The following MYO3B variants were observed in gnomAD, a reference collection of about 807,000 sequenced individuals.
MYO3B encodes the protein myosin IIIB.
In MYO3B, 156 loss-of-function variants were observed where a neutral mutation model predicts 174.6. The observed-to-expected ratio is 0.89, with a 90% CI of 0.78 to 1.02. MYO3B has a LOEUF of 1.02. Among genes scored for constraint, MYO3B ranks in the 50% least tolerant of loss-of-function variants. The pLI, the probability that MYO3B is intolerant of heterozygous loss-of-function variation, is 0.00. For missense variants in MYO3B, 1,632 were observed against 1,639.4 expected (o/e 1.00, Z 0.08); for synonymous variants, 563 against 569.1 (o/e 0.99, Z 0.15).
At chr2:170,448,927 G>T (rs758780662) in intron 23 of MYO3B, among the ~76,000 whole-genome samples, 20 of 152,090 alleles carry the variant, frequency 1.3e-4, no homozygotes, top group Admixed American at 1.3e-4. Context: ...ATAAAGTCCA[G>T]TAGGAATAAT....
chr2:170,470,929 A>G (rs1423955473), intron 25 of MYO3B, among the ~76,000 whole-genome samples: 1 of 150,324 alleles, frequency 6.7e-6, no homozygotes, highest in Non-Finnish European at 1.5e-5. Context: ...ATGTTTATGT[A>G]TTCCAAATAT....
At chr2:170,415,446 A>C (rs1341470254) in intron 22 of MYO3B, among the ~76,000 whole-genome samples, 1 of 152,150 alleles carries the variant, frequency 6.6e-6, no homozygotes, top group African/African-American at 2.4e-5. Flanking sequence ...CTTATGTATC[A>C]TGTTTATTGT....
At chr2:170,521,386 A>G (rs545029879) in intron 30 of MYO3B, among the ~76,000 whole-genome samples, 2 of 152,274 alleles carry the variant, frequency 1.3e-5, no homozygotes, top group Non-Finnish European at 2.9e-5. Flanking sequence ...CCCAGCTAAC[A>G]TTTTCCAACT....
intron 7 of MYO3B, among the ~76,000 whole-genome samples, chr2:170,266,291 A>G (rs1315457492): frequency 1.3e-5 from 2 of 152,206 alleles, no homozygotes. Context: ...TACCTTGCCC[A>G]TAAAACTAAA....
At chr2:170,193,265 A>T (rs2092561286) in intron 1 of MYO3B, among the ~76,000 whole-genome samples, 1 of 152,074 alleles carries the variant, frequency 6.6e-6, no homozygotes, top group Admixed American at 6.5e-5. Flanking sequence ...GGTGCCTAGT[A>T]ATTGCTCAAT....
chr2:170,322,564 G>A (rs747425949), intron 7 of MYO3B, among the ~76,000 whole-genome samples: 1 of 152,216 alleles, frequency 6.6e-6, no homozygotes, highest in African/African-American at 2.4e-5. Context: ...GAAAGAGGAC[G>A]AATGTTCGGT....
At chr2:170,598,283 C>T (rs374186755) in intron 32 of MYO3B, among the ~76,000 whole-genome samples, 4 of 152,230 alleles carry the variant, frequency 2.6e-5, no homozygotes, top group African/African-American at 9.6e-5. Flanking sequence ...CAAAGCAGCT[C>T]TGCCTGCTTC....
rs372170117 is a variant in MYO3B at position 170,587,510 on chromosome 2, G to A, written c.3733+43522G>A. Among the ~76,000 whole-genome samples the A allele has an allele frequency of 6.6e-5, 10 of 152,310 alleles. 1 individual carries two copies. Among genetic ancestry groups the A allele is most frequent in the African/African-American group, 2.2e-4 (9 of 41,582 alleles). On this transcript the variant is annotated intron_variant, in intron 32 of 34. Coordinates refer to ENST00000408978, the MANE Select transcript of MYO3B (RefSeq NM_138995.5). ...TGGTTATTGCTCACCAGTCAGGTAC[G>A]TCCTATTCCACCATAGCTATGATCT...
At chr2:170,513,536 A>G (rs1688110062) in intron 28 of MYO3B, among the ~76,000 whole-genome samples, 1 of 152,022 alleles carries the variant, frequency 6.6e-6, no homozygotes, top group Admixed American at 6.5e-5. Context: ...ATCCAGTATG[A>G]CCTCATTTTT....
chr2:170,382,533 T>C (rs1328939454), intron 10 of MYO3B: 1 of 170,786 alleles, frequency 5.9e-6, no homozygotes, highest in Admixed American at 5.5e-5. Context: ...ATAATCCCCA[T>C]TTAAAATATG....
intron 24 of MYO3B, among the ~76,000 whole-genome samples, chr2:170,464,974 C>G (rs1038001255): frequency 6.6e-6 from 1 of 151,948 alleles, no homozygotes; most frequent in African/African-American, 2.4e-5. Context: ...TCAAGCGATT[C>G]TCCTGCGTCA....
Position 170,463,371 on chromosome 2 carries a change from G to T in MYO3B, c.2734G>T (p.Asp912Tyr). The change falls in exon 24 of 35, where the codon GAC (aspartate) becomes TAC (tyrosine). Residue 912 changes from aspartate (D) to tyrosine (Y), a missense_variant. Physicochemically the swap from Asp to Tyr is radical, Grantham distance 160 (BLOSUM62 -3). Coordinates refer to ENST00000408978, the MANE Select transcript of MYO3B (RefSeq NM_138995.5). ...PHFSAGKAKV[D>Y]TLEVIRHPEE... ...TTGCCTCCACCTATGCTTCCAGGTG[G>T]ACACTCTGGAGGTGATACGGCATCC... 6.2e-7 allele frequency: 1 copy of T among 1,613,654 alleles called. No homozygotes were observed. Among genetic ancestry groups the T allele is most frequent in the Non-Finnish European group, 8.5e-7 (1 of 1,180,020 alleles).
At chr2:170,635,256 T>C (rs1273238980) in intron 32 of MYO3B, among the ~76,000 whole-genome samples, 1 of 152,186 alleles carries the variant, frequency 6.6e-6, no homozygotes, top group Non-Finnish European at 1.5e-5. Flanking sequence ...ATGTGGCACA[T>C]ATACACCATG....
chr2:170,625,932 T>C (rs1275321619), intron 32 of MYO3B, among the ~76,000 whole-genome samples: 1 of 152,208 alleles, frequency 6.6e-6, no homozygotes, highest in African/African-American at 2.4e-5. Context: ...TTTGTTATAA[T>C]TTCTGTTCTT....
intron 32 of MYO3B, among the ~76,000 whole-genome samples, chr2:170,648,802 CATATT>C (rs1182425364): frequency 7.9e-5 from 8 of 101,770 alleles, no homozygotes; most frequent in African/African-American, 2.7e-4. Context: ...CTATATAATA[CATATT>C]ATATATTATA....
At chr2:170,640,163 G>A (rs533072885) in intron 32 of MYO3B, among the ~76,000 whole-genome samples, 80 of 152,296 alleles carry the variant, frequency 5.3e-4, no homozygotes, top group African/African-American at 1.8e-3. Context: ...TTTTAAACAA[G>A]TAACAATGCC....
intron 32 of MYO3B, among the ~76,000 whole-genome samples, chr2:170,651,342 C>G (rs2105505759): frequency 6.6e-6 from 1 of 152,328 alleles, no homozygotes; most frequent in East Asian, 1.9e-4. Flanking sequence ...TGACCACCAA[C>G]TTATACTTCA....
intron 32 of MYO3B, among the ~76,000 whole-genome samples, chr2:170,553,576 AGGT>A (rs3072765): frequency 0.77 from 116,718 of 151,730 alleles, 45,408 homozygotes; most frequent in African/African-American, 0.87. Context: ...ACAGGCTTAT[AGGT>A]GGAAGGGACT....
At chr2:170,585,091 T>C (rs1693413030) in intron 32 of MYO3B, among the ~76,000 whole-genome samples, 1 of 152,218 alleles carries the variant, frequency 6.6e-6, no homozygotes, top group South Asian at 2.1e-4. Flanking sequence ...TCTGATGTAA[T>C]TGTTCTGGGG....
Sources: gnomAD v4.1 joint callset for allele counts (sites outside exome capture counted in the v4.1 genomes callset) on GRCh38, gnomAD v4.1.1 for gene constraint, MANE v1.5 for transcripts, NCBI Gene and HGNC (gene_info 2026-07-23, HGNC 2026-07-21) for gene names.